Variants in ATR observed in about 807,000 individuals in gnomAD.
ATR encodes ATR checkpoint kinase, also known as serine/threonine-protein kinase ATR.
ATR carries 142 observed loss-of-function variants against 305.3 expected under a neutral mutation model. The ratio of observed to expected loss-of-function variants is 0.47; its 90% confidence interval spans 0.41 to 0.53. ATR has a LOEUF of 0.53. ATR is among the 20% of genes least tolerant of loss of function. ATR has a pLI of 0.00. For missense variants in ATR, 2,135 were observed against 3,133.1 expected (o/e 0.68, Z 7.60); for synonymous variants, 1,050 against 1,068.1 (o/e 0.98, Z 0.33).
At chr3:142,495,087 G>C (rs542588005) in intron 34 of ATR, among the ~76,000 whole-genome samples, 7 of 152,278 alleles carry the variant, frequency 4.6e-5, no homozygotes, top group Non-Finnish European at 8.8e-5. Flanking sequence ...GTTTTTGATG[G>C]AAGGATGGAA....
Position 142,556,167 on chromosome 3 carries a change from A to G in ATR, c.2079-28T>C, listed in dbSNP as rs767195127. On this transcript the variant is annotated intron_variant, in intron 9 of 46. Coordinates refer to ENST00000350721, the MANE Select transcript of ATR (RefSeq NM_001184.4). ...GGGGAAAAAAAAGAAAAAGTACTAAACTTTCTTGCCTAATTTTGTGGTCTA... is the reference window on the plus strand; with the variant it reads ...GGGGAAAAAAAAGAAAAAGTACTAAGCTTTCTTGCCTAATTTTGTGGTCTA... 3 of 1,610,852 alleles carry G rather than the reference A, an allele frequency of 1.9e-6. No individual in the cohort carries two copies. The highest frequency in any genetic ancestry group is 1.7e-5 in the Admixed American group (1 of 59,636).
At chr3:142,551,552 T>G (rs1424622190) in intron 13 of ATR, among the ~76,000 whole-genome samples, 1 of 152,100 alleles carries the variant, frequency 6.6e-6, no homozygotes, top group African/African-American at 2.4e-5. Context: ...TTAACAAACC[T>G]GACAAAAACA....
intron 3 of ATR, among the ~76,000 whole-genome samples, chr3:142,564,225 C>A (rs1478193778): frequency 4.1e-5 from 6 of 147,820 alleles, no homozygotes; most frequent in South Asian, 2.2e-4. Flanking sequence ...CCAAAAAATT[C>A]ATGTGACTTA....
In ATR at chr3:142,560,395, G is replaced by C. The variant is rs1445735789; in HGVS notation, c.1409C>G (p.Ala470Gly). ...SILWSALKQK[A>G]ESLQISLEYS... ...TTCAAGGGAAATCTGAAGGGATTCAGCTTTCTGTTTCAGTGCACTCCATAA... is the reference window on the plus strand; with the variant it reads ...TTCAAGGGAAATCTGAAGGGATTCACCTTTCTGTTTCAGTGCACTCCATAA... The change falls in exon 6 of 47, where the codon GCT becomes GGT. Residue 470 changes from alanine to glycine, a missense_variant. By Grantham distance (60) the Ala-to-Gly change is moderately conservative. This residue lies in a region of ATR where 744 missense variants were observed against 873.2 expected (regional missense o/e 0.85). Transcript: ENST00000350721. 6.2e-7 allele frequency: 1 copy of C among 1,613,624 alleles called. No homozygotes were observed. Among genetic ancestry groups the C allele is most frequent in the Non-Finnish European group, 8.5e-7 (1 of 1,179,804 alleles).
intron 36 of ATR, among the ~76,000 whole-genome samples, chr3:142,482,486 C>T (rs2030578360): frequency 6.6e-6 from 1 of 152,070 alleles, no homozygotes. Context: ...TCCCAAGGCA[C>T]ATGATATATA....
intron 1 of ATR, among the ~76,000 whole-genome samples, chr3:142,574,863 G>A (rs2035386601): frequency 6.6e-6 from 1 of 152,210 alleles, no homozygotes; most frequent in Admixed American, 6.5e-5. Context: ...AGGGAGGGTA[G>A]TCCAAGCACT....
intron 41 of ATR, among the ~76,000 whole-genome samples, chr3:142,463,129 C>T (rs1449812702): frequency 6.6e-6 from 1 of 151,816 alleles, no homozygotes; most frequent in African/African-American, 2.4e-5. Context: ...CCAAAACTAA[C>T]ATAGTTTTTT....
At chr3:142,476,053 A>G (rs1162153008) in intron 36 of ATR, among the ~76,000 whole-genome samples, 3 of 151,860 alleles carry the variant, frequency 2.0e-5, no homozygotes, top group East Asian at 3.9e-4. Flanking sequence ...TTGCCTGTTC[A>G]CTCTGATGGT....
chr3:142,532,226 T>C (rs554584155), intron 21 of ATR, among the ~76,000 whole-genome samples: 1 of 152,344 alleles, frequency 6.6e-6, no homozygotes, highest in Admixed American at 6.5e-5. Flanking sequence ...CTGTTCCTAT[T>C]TGGCCATCTT....
At chr3:142,557,027 A>C (rs1188119362) in intron 8 of ATR, among the ~76,000 whole-genome samples, 1 of 152,176 alleles carries the variant, frequency 6.6e-6, no homozygotes, top group Non-Finnish European at 1.5e-5. Context: ...TAACCCAACA[A>C]TACTACTCCT....
At chr3:142,526,516 GTATATATA>G (rs899592735) in intron 21 of ATR, among the ~76,000 whole-genome samples, 2 of 151,406 alleles carry the variant, frequency 1.3e-5, no homozygotes, top group African/African-American at 2.4e-5. Context: ...TATGTACTAT[GTATATATA>G]TACATAGTAC....
intron 34 of ATR, 77 bp downstream of exon 34, chr3:142,496,281 TATA>T (rs1559937349): frequency 0.02 from 1,477 of 72,542 alleles, 273 homozygotes; most frequent in Middle Eastern, 0.039. Flanking sequence ...TTCCCGACTA[TATA>T]TATATATATA....
intron 13 of ATR, among the ~76,000 whole-genome samples, chr3:142,550,607 A>G (rs1471625124): frequency 6.6e-6 from 1 of 152,208 alleles, no homozygotes; most frequent in Non-Finnish European, 1.5e-5. Flanking sequence ...AAAGTGTCAT[A>G]TAACATAATA....
chr3:142,566,851 C>G (rs914480442), intron 2 of ATR, among the ~76,000 whole-genome samples: 5 of 151,620 alleles, frequency 3.3e-5, no homozygotes, highest in Non-Finnish European at 1.5e-5. Context: ...ACAAGTGATT[C>G]TTCTGCCTCA....
chr3:142,450,138 G>A, intron 46 of ATR: 2 of 355,792 alleles, frequency 5.6e-6, no homozygotes, highest in Non-Finnish European at 1.0e-5. Flanking sequence ...ACAAAGAGGA[G>A]GGCCACGGGG....
At chr3:142,557,661 T>C (rs2034720815) in intron 8 of ATR, among the ~76,000 whole-genome samples, 1 of 152,214 alleles carries the variant, frequency 6.6e-6, no homozygotes, top group Non-Finnish European at 1.5e-5. Context: ...GCTTCCATCA[T>C]ATCTCTAATA....
At position 142,513,585 on chromosome 3, in the gene ATR, C is replaced by A; in HGVS notation, c.4557G>T (p.Lys1519Asn). 6.2e-7 allele frequency: 1 copy of A among 1,613,468 alleles called. No homozygotes were observed. The highest frequency in any genetic ancestry group is 1.7e-5 in the Admixed American group (1 of 60,014). ...KIFTCCSIMM[K>N]HDFKVTIYLL... ...GATAGATGGTCACTTTGAAATCATG[C>A]TTCATCATAATGCTACAGCAGGTGA... Residue 1519 changes from lysine (K) to asparagine (N), a missense_variant, in exon 26 of 47, where the codon AAG (lysine) becomes AAT (asparagine). By Grantham distance (94) the Lys-to-Asn change is moderately conservative. Around this residue, in one of 9 missense-constraint regions of ATR, gnomAD observed 202 missense variants for 252.9 expected, o/e 0.80. Coordinates refer to ENST00000350721, the MANE Select transcript of ATR (RefSeq NM_001184.4).
rs560836109 is a variant in ATR at position 142,547,625 on chromosome 3, C to A, written c.3357+100G>T. On this transcript the variant is annotated intron_variant, in intron 16 of 46. Coordinates refer to ENST00000350721, the MANE Select transcript of ATR (RefSeq NM_001184.4). ...ACTTAAAATTTAAACAAATGGCTAG[C>A]AGCCAGAAAATGACCAAAAATATGA... is the stretch of plus-strand genomic sequence containing the variant. The A allele has an allele frequency of 1.1e-5, 14 of 1,323,906 alleles. No homozygotes were observed. The African/African-American group carries it at 1.9e-4, about 18-fold the overall frequency. The allele number at this position is 1,323,906 out of a possible 1,614,324, so 82.0% of individuals were successfully genotyped here.
At chr3:142,547,024 A>C (rs1013046125) in intron 16 of ATR, among the ~76,000 whole-genome samples, 3 of 152,234 alleles carry the variant, frequency 2.0e-5, no homozygotes, top group Non-Finnish European at 4.4e-5. Flanking sequence ...TTTCACAAAA[A>C]AAATTTGCAA....
Sources: allele counts gnomAD v4.1 joint callset (sites outside exome capture counted in the v4.1 genomes callset), GRCh38; gene constraint gnomAD v4.1.1; regional missense constraint gnomAD v4.1.1; transcripts MANE v1.5; gene names NCBI Gene and HGNC (gene_info 2026-07-23, HGNC 2026-07-21).